The following ANP32E variants were observed in gnomAD, a reference collection of about 807,000 sequenced individuals.
ANP32E encodes acidic leucine-rich nuclear phosphoprotein 32 family member E.
A neutral mutation model predicts 35.3 loss-of-function variants in ANP32E; 14 were observed. That is an observed-to-expected ratio of 0.40 (90% CI 0.26 to 0.62). ANP32E has a LOEUF of 0.62. ANP32E is among the 20% of genes least tolerant of loss of function. The pLI is 0.45. For synonymous variants in ANP32E, 89 were observed against 110.4 expected (o/e 0.81, Z 1.22); for missense variants, 198 against 304.4 (o/e 0.65, Z 2.60).
rs1444847714 is a variant in ANP32E, at chr1:150,233,096, C to T, written c.55-1170G>A. ...CCTGGCCAACATAGTGAAACCCCGT[C>T]CCTACTAAAAATACAAAAATCAGCC... is the stretch of plus-strand genomic sequence containing the variant. On this transcript the variant is annotated intron_variant, in intron 1 of 6. Coordinates refer to ENST00000583931, the MANE Select transcript of ANP32E (RefSeq NM_030920.5). 2.6e-5 allele frequency among the ~76,000 whole-genome samples: 4 copies of T among 151,832 alleles called. No homozygotes were observed. The East Asian group carries it at 7.8e-4, about 30-fold the overall frequency.
In ANP32E at chr1:150,235,036, G is replaced by A. The variant is rs1553842892; in HGVS notation, c.54+697C>T. 6.6e-6 allele frequency among the ~76,000 whole-genome samples: 1 copy of A among 152,354 alleles called. No individual in the cohort carries two copies. The highest frequency in any genetic ancestry group is 1.9e-4 in the East Asian group (1 of 5,190). ...TGCCACATATCGTTACACGGCGGGG[G>A]AAGAAGCGGATTACGCCTCCCGTCC... On this transcript the variant is annotated intron_variant, in intron 1 of 6. Coordinates refer to ENST00000583931, the MANE Select transcript of ANP32E (RefSeq NM_030920.5). The surrounding 1 kb of genome is among the most constrained non-coding windows in gnomAD (Gnocchi z 4.2).
At chr1:150,226,925 A>AC in intron 4 of ANP32E, 130 bp from the exon 5 acceptor site, 2 of 1,251,880 alleles carry the variant, frequency 1.6e-6, no homozygotes, top group South Asian at 3.8e-5. Flanking sequence ...TCACAGCGAT[A>AC]CTTTTTTTTT....
At position 150,220,715 on chromosome 1, in the gene ANP32E, G is replaced by A. The variant is rs149134530; in HGVS notation, c.783C>T (p.Asp261=). 1.4e-4 allele frequency: 222 copies of A among 1,613,872 alleles called. No individual in the cohort carries two copies. The African/African-American group carries it at 1.9e-3, about 14-fold the overall frequency. ...RGEKRKRDAE[D]DGEEEDD is the part of the protein sequence containing the mutation. ...TCTAGTCATCTTCTTCCTCTCCATC[G>A]TCTTCAGCATCTCGTTTCCTCTTCT... is the stretch of plus-strand genomic sequence containing the variant. Residue 261 remains aspartate, a synonymous_variant, in exon 7 of 7, where the codon GAC becomes GAT. Coordinates refer to ENST00000583931, the MANE Select transcript of ANP32E (RefSeq NM_030920.5).
intron 6 of ANP32E, 109 bp from the exon 7 acceptor site, chr1:150,220,870 C>T: frequency 2.3e-6 from 2 of 874,032 alleles, no homozygotes; most frequent in Admixed American, 1.8e-5. Context: ...CACGGTGGCT[C>T]ACACCTGTAA....
intron 2 of ANP32E, 45 bp downstream of exon 2, chr1:150,231,732 G>A (rs1420984717): frequency 1.9e-6 from 3 of 1,548,764 alleles, no homozygotes; most frequent in African/African-American, 1.6e-5. Context: ...TAGACATATA[G>A]CCGTGGCATT....
intron 1 of ANP32E, among the ~76,000 whole-genome samples, chr1:150,234,940 A>G (rs782811672): frequency 3.2e-4 from 49 of 152,240 alleles, no homozygotes; most frequent in Admixed American, 9.8e-4. Flanking sequence ...GCACGAAACT[A>G]CTACGTCCCT....
At chr1:150,234,785 C>T in intron 1 of ANP32E, 1 of 548,322 alleles carries the variant, frequency 1.8e-6, no homozygotes, top group Non-Finnish European at 2.3e-6. Flanking sequence ...GAGAAGGCAA[C>T]CGCGAAAAGG....
At chr1:150,230,860 A>G (rs587743132) in intron 2 of ANP32E, among the ~76,000 whole-genome samples, 167 bp from the exon 3 acceptor site, 1 of 151,520 alleles carries the variant, frequency 6.6e-6, no homozygotes, top group South Asian at 2.1e-4. Context: ...CTCCTGCCTC[A>G]GCCTCCCAAG....
At chr1:150,224,709 T>C (rs1553839322) in intron 5 of ANP32E, among the ~76,000 whole-genome samples, 1 of 152,260 alleles carries the variant, frequency 6.6e-6, no homozygotes, top group Non-Finnish European at 1.5e-5. Flanking sequence ...ATTGATCGTT[T>C]ATATTATGTA....
intron 4 of ANP32E, 120 bp downstream of exon 4, chr1:150,228,952 T>A: frequency 1.2e-6 from 1 of 818,946 alleles, no homozygotes; most frequent in South Asian, 1.6e-5. Flanking sequence ...TTTTCTTGTC[T>A]TACTAATATC....
chr1:150,223,373 A>C, intron 5 of ANP32E, 133 bp from the exon 6 acceptor site: 1 of 1,265,658 alleles, frequency 7.9e-7, no homozygotes, highest in Non-Finnish European at 1.1e-6. Context: ...ATTCTTATAA[A>C]GGTCCTTTTT....
chr1:150,223,124 T>C, intron 6 of ANP32E, 62 bp downstream of exon 6: 1 of 1,436,990 alleles, frequency 7.0e-7, no homozygotes, highest in Non-Finnish European at 9.4e-7. Flanking sequence ...TACAAATAAA[T>C]AAAGTATAAA....
chr1:150,224,415 A>C (rs1271474971), intron 5 of ANP32E, among the ~76,000 whole-genome samples: 1 of 152,092 alleles, frequency 6.6e-6, no homozygotes, highest in Non-Finnish European at 1.5e-5. Context: ...TCTACTAAAA[A>C]TACAAAAAAT....
At position 150,229,210 on chromosome 1, in the gene ANP32E, C is replaced by G; in HGVS notation, c.355G>C (p.Asp119His). The G allele has an allele frequency of 6.4e-7, 1 of 1,574,248 alleles. No homozygotes were observed. The highest frequency in any genetic ancestry group is 1.4e-5 in the African/African-American group (1 of 72,580). The change falls in exon 4 of 7, where the codon GAC (aspartate) becomes CAC (histidine). Residue 119 changes from aspartate to histidine, a missense_variant. Physicochemically the swap from Asp to His is moderately conservative, Grantham distance 81. Transcript: ENST00000583931. ...LQNLKNLKSL[D>H]LFNCEITNLE... ...TTTGTGATCTCACAGTTAAACAGGT[C>G]AAGACTTTTCAAATTTTTAAGATTT...
chr1:150,221,528 G>C (rs1648378637), intron 6 of ANP32E, among the ~76,000 whole-genome samples: 1 of 66,420 alleles, frequency 1.5e-5, no homozygotes, highest in Non-Finnish European at 2.9e-5. Flanking sequence ...AAGGAGAGTG[G>C]GAGGAAGGGA....
At chr1:150,222,660 AGATGGGGG>A (rs2101760978) in intron 6 of ANP32E, among the ~76,000 whole-genome samples, 1 of 151,312 alleles carries the variant, frequency 6.6e-6, no homozygotes, top group Non-Finnish European at 1.5e-5. Flanking sequence ...TGGGAGGCTG[AGATGGGGG>A]GATCACCTGA....
In ANP32E at chr1:150,229,372, A is replaced by T. The variant is rs147389749; in HGVS notation, c.328-135T>A. 6.3e-3 allele frequency: 3,527 copies of T among 560,396 alleles called. 90 individuals are homozygous for T. The highest frequency in any genetic ancestry group is 0.061 in the African/African-American group (2,760 of 45,596). 34.7% of individuals were successfully genotyped at this position (560,396 alleles called of 1,614,324 possible). ...GAATTCAGCGCCACGATCTCTGCTC[A>T]CTGCAACCTCCGCCTCCCGGGTTCA... On this transcript the variant is annotated intron_variant, in intron 3 of 6. Transcript: ENST00000583931.
At chr1:150,221,583 AGGGAG>A (rs1648398144) in intron 6 of ANP32E, among the ~76,000 whole-genome samples, 2 of 18,858 alleles carry the variant, frequency 1.1e-4, no homozygotes, top group African/African-American at 1.4e-4. Flanking sequence ...AGTGGGAGGA[AGGGAG>A]GGAGGGAGGG....
At chr1:150,224,920 T>C (rs1648744743) in intron 5 of ANP32E, among the ~76,000 whole-genome samples, 1 of 152,208 alleles carries the variant, frequency 6.6e-6, no homozygotes, top group Non-Finnish European at 1.5e-5. Flanking sequence ...CCCATGAGCC[T>C]ACCATGTACC....
Sources: allele counts gnomAD v4.1 joint callset (sites outside exome capture counted in the v4.1 genomes callset), GRCh38; gene constraint gnomAD v4.1.1; non-coding constraint Gnocchi (gnomAD v3.1); transcripts MANE v1.5; gene names NCBI Gene and HGNC (gene_info 2026-07-23, HGNC 2026-07-21).